The following DLG2 variants were observed in gnomAD, a reference collection of about 807,000 sequenced individuals.
The protein encoded by DLG2 is discs large MAGUK scaffold protein 2, also known as disks large homolog 2.
In DLG2, 45 loss-of-function variants were observed where a neutral mutation model predicts 132.5. That is an observed-to-expected ratio of 0.34 (90% CI 0.27 to 0.44). DLG2 has a LOEUF of 0.44. Ranked by LOEUF, DLG2 falls within the 20% of genes least tolerant of loss-of-function variation. The probability of loss-of-function intolerance (pLI) is 1.00; values close to 1 mark genes in which losing one functional copy is unlikely to be tolerated. For missense variants in DLG2, 1,045 were observed against 1,196.9 expected (o/e 0.87, Z 1.87); for synonymous variants, 424 against 419.6 (o/e 1.01, Z -0.13).
chr11:83,825,045 T>C (rs1174993191), intron 17 of DLG2, among the ~76,000 whole-genome samples: 1 of 150,704 alleles, frequency 6.6e-6, no homozygotes, highest in Admixed American at 6.6e-5. Flanking sequence ...CTTTTTGTTG[T>C]TGTTGTTTTT....
chr11:84,777,281 GTA>G (rs71036441), intron 6 of DLG2, among the ~76,000 whole-genome samples: 4,269 of 94,560 alleles, frequency 0.045, 77 homozygotes, highest in Non-Finnish European at 0.055. Flanking sequence ...ATGTGTGTGT[GTA>G]TATATATATA....
At chr11:85,465,073 CAAAAAAAAAAA>C (rs1157088846) in intron 3 of DLG2, among the ~76,000 whole-genome samples, 30 of 17,132 alleles carry the variant, frequency 1.8e-3, no homozygotes, top group African/African-American at 5.1e-3. Context: ...AACTCTGCCT[CAAAAAAAAAAA>C]AAAAAAAAAA....
chr11:85,525,422 C>T (rs1164126525), intron 3 of DLG2, among the ~76,000 whole-genome samples: 10 of 152,042 alleles, frequency 6.6e-5, no homozygotes, highest in Admixed American at 2.6e-4. Context: ...ACCATATATC[C>T]TAGCTAGTGT....
At chr11:85,494,263 A>C (rs1597904204) in intron 3 of DLG2, among the ~76,000 whole-genome samples, 1 of 152,316 alleles carries the variant, frequency 6.6e-6, no homozygotes, top group Non-Finnish European at 1.5e-5. Flanking sequence ...TTTCCTTTAT[A>C]ACATGTATTG....
At chr11:83,876,934 C>T (rs555419479) in intron 15 of DLG2, among the ~76,000 whole-genome samples, 8 of 152,084 alleles carry the variant, frequency 5.3e-5, no homozygotes, top group South Asian at 2.1e-4. Context: ...AATTAACCAC[C>T]GTTGATAGTT....
chr11:85,170,629 G>A (rs927449935), intron 4 of DLG2, among the ~76,000 whole-genome samples: 1 of 152,152 alleles, frequency 6.6e-6, no homozygotes, highest in African/African-American at 2.4e-5. Flanking sequence ...AAGTTAGGAA[G>A]GTTAAATAAT....
intron 19 of DLG2, among the ~76,000 whole-genome samples, chr11:83,573,307 A>G (rs993496854): frequency 6.6e-6 from 1 of 152,162 alleles, no homozygotes. Context: ...TCTCTATGTC[A>G]TCAGTTAGGC....
chr11:85,376,113 A>G (rs900100772), intron 3 of DLG2, among the ~76,000 whole-genome samples: 1 of 152,230 alleles, frequency 6.6e-6, no homozygotes, highest in African/African-American at 2.4e-5. Flanking sequence ...TACGAAAAAC[A>G]AAAAATGAAT....
intron 7 of DLG2, among the ~76,000 whole-genome samples, chr11:84,400,341 T>C (rs7110833): frequency 0.059 from 8,915 of 152,246 alleles, 866 homozygotes; most frequent in African/African-American, 0.2. Flanking sequence ...TTAGGTGTCA[T>C]TCCTGTCTTA....
intron 14 of DLG2, among the ~76,000 whole-genome samples, chr11:83,947,282 T>A (rs2084260100): frequency 1.3e-5 from 2 of 149,666 alleles, no homozygotes; most frequent in African/African-American, 4.9e-5. Context: ...TTCTTTAACA[T>A]AGACTTTTCT....
At chr11:83,716,540 G>A (rs1315648646) in intron 18 of DLG2, among the ~76,000 whole-genome samples, 1 of 152,110 alleles carries the variant, frequency 6.6e-6, no homozygotes, top group Non-Finnish European at 1.5e-5. Context: ...ATCTATGCTC[G>A]GGGATATACA....
At chr11:84,922,754 A>G (rs1040578750) in intron 6 of DLG2, among the ~76,000 whole-genome samples, 1 of 152,166 alleles carries the variant, frequency 6.6e-6, no homozygotes, top group East Asian at 1.9e-4. Context: ...AGCATGCTTT[A>G]TAGCTTTTTA....
chr11:83,790,595 T>A, intron 17 of DLG2: 1 of 1,322,928 alleles, frequency 7.6e-7, no homozygotes, highest in Non-Finnish European at 1.1e-6. Context: ...TGCCAGTAAG[T>A]CCACTGAAGT....
chr11:84,074,094 G>A (rs1418848235), intron 10 of DLG2, among the ~76,000 whole-genome samples: 1 of 152,100 alleles, frequency 6.6e-6, no homozygotes, highest in Non-Finnish European at 1.5e-5. Context: ...CATTTGTATA[G>A]TTCAACAACA....
chr11:84,833,208 C>A (rs1566088507), intron 6 of DLG2, among the ~76,000 whole-genome samples: 1 of 151,438 alleles, frequency 6.6e-6, no homozygotes, highest in Non-Finnish European at 1.5e-5. Flanking sequence ...GTGCCCTCTG[C>A]CCCCAACCCT....
chr11:84,663,501 C>T (rs2099696879), intron 6 of DLG2, among the ~76,000 whole-genome samples: 2 of 152,050 alleles, frequency 1.3e-5, no homozygotes, highest in South Asian at 4.1e-4. Flanking sequence ...CCAGAGTAGA[C>T]ACAGAGCACA....
chr11:83,930,382 G>A lies in DLG2; in HGVS notation c.1442C>T (p.Ser481Leu). Residue 481 changes from serine to leucine, a missense_variant, in exon 15 of 28, where the codon TCA becomes TTA. Physicochemically the swap from Ser to Leu is moderately radical, Grantham distance 145. Around this residue, in one of 4 missense-constraint regions of DLG2, gnomAD observed 261 missense variants for 256.1 expected, o/e 1.02. Transcript: ENST00000376104. Reference sequence around the variant, plus strand: ...TAGGTGGTAGTGGGAATAGGGAGCTGAGAGGAGGAAGCTTTTGTCACACTC... The same window carrying A: ...TAGGTGGTAGTGGGAATAGGGAGCTAAGAGGAGGAAGCTTTTGTCACACTC... The part of the protein sequence containing the change: ...PVECDKSFLL[S>L]APYSHYHLGL... 6.2e-7 allele frequency: 1 copy of A among 1,614,132 alleles called. No homozygotes were observed. Among genetic ancestry groups the A allele is most frequent in the Non-Finnish European group, 8.5e-7 (1 of 1,179,958 alleles).
intron 18 of DLG2, among the ~76,000 whole-genome samples, chr11:83,657,441 A>AT (rs1367797838): frequency 1.3e-5 from 2 of 151,816 alleles, no homozygotes; most frequent in African/African-American, 4.8e-5. Flanking sequence ...CAAAGGTATC[A>AT]GTTATTTACT....
At chr11:84,829,907 C>T (rs769552114) in intron 6 of DLG2, among the ~76,000 whole-genome samples, 16 of 151,610 alleles carry the variant, frequency 1.1e-4, no homozygotes, top group Non-Finnish European at 1.8e-4. Flanking sequence ...TAAGAATGTA[C>T]AATCCTTTAA....
Sources: allele counts gnomAD v4.1 joint callset (sites outside exome capture counted in the v4.1 genomes callset), GRCh38; gene constraint gnomAD v4.1.1; regional missense constraint gnomAD v4.1.1; transcripts MANE v1.5; gene names NCBI Gene and HGNC (gene_info 2026-07-23, HGNC 2026-07-21).